ARID4B: variants seen among roughly 807,000 people sequenced by gnomAD.
ARID4B encodes AT-rich interaction domain 4B, also known as AT-rich interactive domain-containing protein 4B.
Under a neutral mutation model 147.5 loss-of-function variants are expected in ARID4B, and 26 were observed. That is an observed-to-expected ratio of 0.18 (90% CI 0.13 to 0.24). The LOEUF (loss-of-function observed/expected upper bound fraction) is 0.24. Ranked by LOEUF, ARID4B falls within the 10% of genes least tolerant of loss-of-function variation. The pLI, the probability that ARID4B is intolerant of heterozygous loss-of-function variation, is 1.00. For missense variants in ARID4B, 1,179 were observed against 1,511.5 expected, an observed-to-expected ratio of 0.78 and a Z score of 3.65; for synonymous variants, 512 against 507.9, an observed-to-expected ratio of 1.01 and a Z score of -0.11.
chr1:235,324,186 C>T (rs1053082666), intron 2 of ARID4B, among the ~76,000 whole-genome samples: 1 of 151,868 alleles, frequency 6.6e-6, no homozygotes. Context: ...TGATTACAGG[C>T]GTGAGCCACC....
intron 19 of ARID4B, among the ~76,000 whole-genome samples, chr1:235,189,740 G>GAA (rs35748964): frequency 6.1e-5 from 9 of 147,732 alleles, no homozygotes; most frequent in East Asian, 4.0e-4. Flanking sequence ...CTCAATTAAA[G>GAA]AAAAAAAAAA....
At chr1:235,201,996 T>G (rs1000729670) in intron 17 of ARID4B, among the ~76,000 whole-genome samples, 29 of 150,792 alleles carry the variant, frequency 1.9e-4, no homozygotes, top group Non-Finnish European at 3.0e-5. Flanking sequence ...TGTTATTTTA[T>G]ATATATGTGT....
At chr1:235,200,970 C>T (rs1452222865) in intron 17 of ARID4B, among the ~76,000 whole-genome samples, 1 of 151,892 alleles carries the variant, frequency 6.6e-6, no homozygotes, top group Non-Finnish European at 1.5e-5. Context: ...AGTGAAACCC[C>T]GTCTCTAATA....
At chr1:235,300,899 T>C (rs183448214) in intron 2 of ARID4B, among the ~76,000 whole-genome samples, 17 of 152,086 alleles carry the variant, frequency 1.1e-4, no homozygotes, top group African/African-American at 3.9e-4. Flanking sequence ...ATATTTTTAG[T>C]AGAGGCGGGG....
At chr1:235,176,703 C>T (rs1043910584) in intron 21 of ARID4B, 64 of 374,372 alleles carry the variant, frequency 1.7e-4, no homozygotes, top group Middle Eastern at 1.9e-3. Context: ...CTTTCATGGC[C>T]TTGCTGAGCA....
At position 235,225,148 on chromosome 1, in the gene ARID4B, C is replaced by T. The variant is rs1475218690; in HGVS notation, c.898-373G>A. 3.3e-5 allele frequency among the ~76,000 whole-genome samples: 5 copies of T among 152,178 alleles called. No homozygotes were observed. The East Asian group carries it at 7.7e-4, about 23-fold the overall frequency. On this transcript the variant is annotated intron_variant, in intron 11 of 23. Coordinates refer to ENST00000264183, the MANE Select transcript of ARID4B (RefSeq NM_016374.6). Reference sequence around the variant, plus strand: ...CAAGAATACCTACTCTCAACTTATGCGAAACTGGATCAGAGTTAAACATCA... The same window carrying T: ...CAAGAATACCTACTCTCAACTTATGTGAAACTGGATCAGAGTTAAACATCA...
chr1:235,269,410 T>C (rs1670824313), intron 2 of ARID4B, among the ~76,000 whole-genome samples: 1 of 152,180 alleles, frequency 6.6e-6, no homozygotes, highest in Admixed American at 6.6e-5. Flanking sequence ...CGTTTTGCAC[T>C]GTAATATCAA....
chr1:235,184,267 T>G (rs1392880472), intron 19 of ARID4B, among the ~76,000 whole-genome samples: 1 of 152,174 alleles, frequency 6.6e-6, no homozygotes, highest in Non-Finnish European at 1.5e-5. Context: ...TAACATTTCC[T>G]GAGAACTTAC....
chr1:235,293,892 CA>C (rs1672500913), intron 2 of ARID4B, among the ~76,000 whole-genome samples: 1 of 152,078 alleles, frequency 6.6e-6, no homozygotes, highest in Non-Finnish European at 1.5e-5. Flanking sequence ...CAAATTTAAG[CA>C]ATGTAATCTG....
At chr1:235,179,619 C>A (rs1199969195) in intron 20 of ARID4B, among the ~76,000 whole-genome samples, 2 of 149,478 alleles carry the variant, frequency 1.3e-5, no homozygotes, top group Non-Finnish European at 3.0e-5. Context: ...TTAGGAGTAG[C>A]TTTCAAATTC....
chr1:235,256,656 GAAGT>G (rs1670008939), intron 4 of ARID4B, among the ~76,000 whole-genome samples: 1 of 152,316 alleles, frequency 6.6e-6, no homozygotes, highest in African/African-American at 2.4e-5. Flanking sequence ...TGGCTCCAAA[GAAGT>G]AAGAGCTCCG....
chr1:235,192,358 A>ATAGT (rs1665171964), intron 19 of ARID4B, among the ~76,000 whole-genome samples: 1 of 152,228 alleles, frequency 6.6e-6, no homozygotes, highest in Admixed American at 6.5e-5. Flanking sequence ...TTTTAAGTAA[A>ATAGT]TAGTATTTGA....
chr1:235,324,141 A>G (rs1488642668), intron 2 of ARID4B, among the ~76,000 whole-genome samples: 1 of 152,116 alleles, frequency 6.6e-6, no homozygotes, highest in Non-Finnish European at 1.5e-5. Context: ...CCTTGACCTC[A>G]GGTGATCCTC....
intron 19 of ARID4B, among the ~76,000 whole-genome samples, chr1:235,184,468 G>A (rs772558141): frequency 3.0e-4 from 46 of 152,116 alleles, no homozygotes; most frequent in South Asian, 8.3e-4. Flanking sequence ...GGGGTTTAGA[G>A]GTTAATCTAC....
intron 2 of ARID4B, among the ~76,000 whole-genome samples, chr1:235,312,919 G>A (rs887024844): frequency 6.6e-6 from 1 of 152,148 alleles, no homozygotes; most frequent in African/African-American, 2.4e-5. Flanking sequence ...GTTGCACTGA[G>A]CCAAGATTGC....
rs750164165 is a variant in ARID4B at position 235,181,647 on chromosome 1, CCTG to C, written c.3269_3271del (p.Ala1090del). The C allele has an allele frequency of 4.3e-6, 7 of 1,614,046 alleles. No individual in the cohort carries two copies. Among genetic ancestry groups the C allele is most frequent in the Admixed American group, 3.3e-5 (2 of 60,024 alleles). On this transcript the variant is annotated inframe_deletion, in exon 20 of 24. Coordinates refer to ENST00000264183, the MANE Select transcript of ARID4B (RefSeq NM_016374.6). ...GCTTGAGCTCACACTGGCATCAAAA[CCTG>C]CTGGCGAGCTATTCCCTTCAGACTG...
chr1:235,286,559 G>A (rs1476743294), intron 2 of ARID4B, among the ~76,000 whole-genome samples: 2 of 152,198 alleles, frequency 1.3e-5, no homozygotes, highest in East Asian at 3.8e-4. Context: ...CCTGAAGGAT[G>A]ACTGGTAATC....
intron 2 of ARID4B, among the ~76,000 whole-genome samples, chr1:235,285,268 T>C (rs1388037029): frequency 1.3e-5 from 2 of 152,198 alleles, no homozygotes; most frequent in Non-Finnish European, 2.9e-5. Flanking sequence ...AGGTAATATA[T>C]CATGACCAAG....
At chr1:235,224,104 A>G (rs1667677250) in intron 12 of ARID4B, among the ~76,000 whole-genome samples, 1 of 152,166 alleles carries the variant, frequency 6.6e-6, no homozygotes, top group African/African-American at 2.4e-5. Context: ...AAAACGTTCA[A>G]TTCCCAGAGT....
Sources: gnomAD v4.1 joint callset for allele counts (sites outside exome capture counted in the v4.1 genomes callset) on GRCh38, gnomAD v4.1.1 for gene constraint, MANE v1.5 for transcripts, NCBI Gene and HGNC (gene_info 2026-07-23, HGNC 2026-07-21) for gene names.